Variants in TDRD1 observed in about 807,000 individuals in gnomAD.
The protein encoded by TDRD1 is tudor domain-containing protein 1.
A neutral mutation model predicts 140.6 loss-of-function variants in TDRD1; 37 were observed. The observed-to-expected ratio is 0.26, with a 90% CI of 0.20 to 0.35. TDRD1 has a LOEUF of 0.35. Among genes scored for constraint, TDRD1 ranks in the 10% least tolerant of loss-of-function variants. The pLI is 1.00. For synonymous variants in TDRD1, 506 were observed against 475.7 expected (o/e 1.06, Z -0.83); for missense variants, 1,243 against 1,393.0 (o/e 0.89, Z 1.71).
chr10:114,228,198 G>A (rs1406382458), intron 25 of TDRD1: 7 of 1,490,516 alleles, frequency 4.7e-6, no homozygotes, highest in Non-Finnish European at 6.2e-6. Flanking sequence ...CATATTGGCA[G>A]GATAGAGCTA....
Position 114,208,536 on chromosome 10 carries a change from C to T in TDRD1, c.1385-2045C>T, listed in dbSNP as rs144666945. ...ATACCGAGCTAGCGACATCACCATG[C>T]TTTTGTCCCCTCTCCTCCTACTGTG... On this transcript the variant is annotated intron_variant, in intron 11 of 25. Transcript: ENST00000251864. Among the ~76,000 whole-genome samples, 9 of 152,288 alleles carry T rather than the reference C, an allele frequency of 5.9e-5. No homozygotes were observed. In the East Asian group the frequency reaches 1.7e-3, roughly 29 times the overall value.
At chr10:114,198,645 A>C (rs1021456079) in intron 3 of TDRD1, among the ~76,000 whole-genome samples, 2 of 151,922 alleles carry the variant, frequency 1.3e-5, no homozygotes, top group Admixed American at 1.3e-4. Flanking sequence ...GCAGGTTTTA[A>C]ATTTTTTCTT....
At chr10:114,218,484 G>T (rs748911778) in exon 18 of TDRD1, 1 of 1,611,248 alleles carries the variant, frequency 6.2e-7, no homozygotes, top group Non-Finnish European at 8.5e-7. Context: ...TACATTTTGT[G>T]GATTATGGAA....
At chr10:114,231,445 T>C (rs756140051) in intron 25 of TDRD1, 2 of 1,542,086 alleles carry the variant, frequency 1.3e-6, no homozygotes, top group Non-Finnish European at 1.8e-6. Context: ...ATTGAGTTTT[T>C]GTGTAAGGCA....
At chr10:114,225,198 A>T (rs567657491) in intron 21 of TDRD1, among the ~76,000 whole-genome samples, 4 of 152,260 alleles carry the variant, frequency 2.6e-5, no homozygotes, top group South Asian at 4.1e-4. Flanking sequence ...TAGCAGCATT[A>T]TTAAAACATG....
At chr10:114,212,188 T>A (rs2035528892) in intron 14 of TDRD1, 152 bp downstream of exon 14, 4 of 685,254 alleles carry the variant, frequency 5.8e-6, no homozygotes, top group African/African-American at 1.9e-5. Flanking sequence ...CCCAAAGAAA[T>A]CAGAGATTTC....
At chr10:114,197,289 C>T (rs891524538) in intron 3 of TDRD1, among the ~76,000 whole-genome samples, 22 of 152,046 alleles carry the variant, frequency 1.4e-4, no homozygotes, top group African/African-American at 5.3e-4. Context: ...TCAGATCAGG[C>T]GTTTCTGTGG....
At chr10:114,224,952 G>A (rs1056756941) in intron 21 of TDRD1, among the ~76,000 whole-genome samples, 2 of 152,190 alleles carry the variant, frequency 1.3e-5, no homozygotes, top group Admixed American at 1.3e-4. Context: ...AGTGGGCAGG[G>A]GCTTTTCCAC....
In TDRD1 at chr10:114,224,912, A is replaced by T. The variant is rs142565503; in HGVS notation, c.3008-1137A>T. Among the ~76,000 whole-genome samples, 795 of 152,288 alleles carry T rather than the reference A, an allele frequency of 5.2e-3. 8 individuals carry two copies. The highest frequency in any genetic ancestry group is 0.018 in the African/African-American group (743 of 41,550). Reference sequence around the variant, plus strand: ...GCTGTTCCTGTATTTAAGATGGGGCACTGAGAAGTTACTGGGAAGTTGCTT... The same window carrying T: ...GCTGTTCCTGTATTTAAGATGGGGCTCTGAGAAGTTACTGGGAAGTTGCTT... On this transcript the variant is annotated intron_variant, in intron 21 of 25. Coordinates refer to ENST00000251864, the Ensembl canonical transcript of TDRD1.
Position 114,230,993 on chromosome 10 carries a change from G to A in TDRD1, c.3539-493G>A, listed in dbSNP as rs1177452037. Among the ~76,000 whole-genome samples, 3 of 152,180 alleles carry A rather than the reference G, an allele frequency of 2.0e-5. No individual in the cohort carries two copies. The East Asian group carries it at 5.8e-4, about 29-fold the overall frequency. ...GAGGCAGGAGAATTGCTTGAACCCA[G>A]GAGCCGAAGGTTGCAGTGAGCCGAG... On this transcript the variant is annotated intron_variant, in intron 25 of 25. Coordinates refer to ENST00000251864, the Ensembl canonical transcript of TDRD1.
intron 3 of TDRD1, among the ~76,000 whole-genome samples, chr10:114,192,688 C>T (rs115289680): frequency 2.1e-3 from 313 of 152,226 alleles, no homozygotes; most frequent in African/African-American, 7.0e-3. Flanking sequence ...TATTCAATTG[C>T]TCCAGTGCCA....
chr10:114,213,413 C>A, exon 15 of TDRD1: 2 of 1,613,964 alleles, frequency 1.2e-6, no homozygotes, highest in East Asian at 2.2e-5. Context: ...TTGTACAGAA[C>A]AAAATAATCA....
chr10:114,213,917 C>A, intron 15 of TDRD1, 60 bp from the exon 16 acceptor site: 1 of 1,575,026 alleles, frequency 6.3e-7, no homozygotes, highest in Non-Finnish European at 8.7e-7. Context: ...TCCTCAGCCA[C>A]CCCAACCTCG....
Position 114,221,477 on chromosome 10 carries a change from G to A in TDRD1, c.2890+1G>A. ...TATGCTCTACCAAAAGGGATGCCAGGTAAGAAACCAAAATTTGAGACATAT... is the reference window on the plus strand; with the variant it reads ...TATGCTCTACCAAAAGGGATGCCAGATAAGAAACCAAAATTTGAGACATAT... On this transcript the variant is annotated splice_donor_variant, in intron 20 of 25. Transcript: ENST00000251864. LOFTEE classifies it high-confidence loss of function. The A allele has an allele frequency of 6.2e-7, 1 of 1,610,424 alleles. No individual in the cohort carries two copies. The highest frequency in any genetic ancestry group is 8.5e-7 in the Non-Finnish European group (1 of 1,178,782).
At chr10:114,217,906 AC>A (rs553218964) in intron 17 of TDRD1, among the ~76,000 whole-genome samples, 137 of 152,314 alleles carry the variant, frequency 9.0e-4, no homozygotes, top group Non-Finnish European at 1.5e-3. Flanking sequence ...TATTAAAATA[AC>A]TTAGCTCATG....
intron 16 of TDRD1, among the ~76,000 whole-genome samples, chr10:114,215,168 C>G (rs151126247): frequency 1.3e-5 from 2 of 152,178 alleles, no homozygotes; most frequent in Non-Finnish European, 2.9e-5. Flanking sequence ...CTGCTGCCCC[C>G]TGCACTGTGA....
At position 114,214,584 on chromosome 10, in the gene TDRD1, G is replaced by A. The variant is rs147891064; in HGVS notation, c.2212+470G>A. The stretch of plus-strand genomic sequence containing the variant: ...ACTTGTGTTGAAGTATTAGTGTAAC[G>A]TATAGATACATGTGTATATAGGAGT... On this transcript the variant is annotated intron_variant, in intron 16 of 25. Coordinates refer to ENST00000251864, the Ensembl canonical transcript of TDRD1. 4.7e-3 allele frequency among the ~76,000 whole-genome samples: 709 copies of A among 152,150 alleles called. 9 individuals are homozygous for A. Among genetic ancestry groups the A allele is most frequent in the African/African-American group, 0.016 (671 of 41,490 alleles).
At chr10:114,210,645 A>C in exon 12 of TDRD1, 1 of 1,611,968 alleles carries the variant, frequency 6.2e-7, no homozygotes, top group Non-Finnish European at 8.5e-7. Flanking sequence ...AAAGTGACCT[A>C]ATCCCAAAAG....
intron 2 of TDRD1, among the ~76,000 whole-genome samples, chr10:114,188,676 G>A (rs903609196): frequency 3.9e-5 from 6 of 152,192 alleles, no homozygotes; most frequent in South Asian, 2.1e-4. Context: ...GGCCAACATG[G>A]TGAAACCCCA....
Sources: allele counts gnomAD v4.1 joint callset (sites outside exome capture counted in the v4.1 genomes callset), GRCh38; gene constraint gnomAD v4.1.1; transcripts MANE v1.5; gene names NCBI Gene and HGNC (gene_info 2026-07-23, HGNC 2026-07-21).